The following ADGRV1 variants were observed in gnomAD, a reference collection of about 807,000 sequenced individuals.
ADGRV1 encodes the protein adhesion G protein-coupled receptor V1.
ADGRV1 carries 359 observed loss-of-function variants against 596.2 expected under a neutral mutation model. The observed-to-expected ratio is 0.60, with a 90% CI of 0.55 to 0.66. ADGRV1 has a LOEUF of 0.66. Ranked by LOEUF, ADGRV1 falls within the 30% of genes least tolerant of loss-of-function variation. ADGRV1 has a pLI of 0.00. For missense variants in ADGRV1, 7,274 were observed against 7,575.6 expected (o/e 0.96, Z 1.48); for synonymous variants, 2,681 against 2,679.2 (o/e 1.00, Z -0.02).
chr5:91,035,866 T>TATATATATATATA (rs1562121946), intron 85 of ADGRV1, among the ~76,000 whole-genome samples: 3 of 126,234 alleles, frequency 2.4e-5, no homozygotes, highest in African/African-American at 5.9e-5. Context: ...ATATATTATA[T>TATATATATATATA]ATATATATAT....
chr5:91,050,568 AG>A (rs1786228419), intron 85 of ADGRV1, among the ~76,000 whole-genome samples: 1 of 152,194 alleles, frequency 6.6e-6, no homozygotes, highest in South Asian at 2.1e-4. Flanking sequence ...TTTTTAAAAA[AG>A]TCTTTCTAAT....
chr5:91,029,671 C>T (rs1041609286), intron 85 of ADGRV1, among the ~76,000 whole-genome samples: 8 of 152,052 alleles, frequency 5.3e-5, no homozygotes, highest in African/African-American at 1.4e-4. Flanking sequence ...TTTTTGTAAT[C>T]GGTTGTTTAT....
At chr5:90,715,907 A>G (rs925826013) in intron 42 of ADGRV1, among the ~76,000 whole-genome samples, 7 of 152,196 alleles carry the variant, frequency 4.6e-5, no homozygotes, top group Admixed American at 4.6e-4. Context: ...TCTTAATAGT[A>G]TTAGTTGTAA....
chr5:90,614,436 A>G (rs933239773), intron 1 of ADGRV1, among the ~76,000 whole-genome samples: 1 of 152,112 alleles, frequency 6.6e-6, no homozygotes, highest in African/African-American at 2.4e-5. Context: ...CAACTGTTTC[A>G]GTTTTGGCTG....
Position 90,681,454 on chromosome 5 carries a change from T to C in ADGRV1, c.5664T>C (p.Asn1888=). ...PEDGYSTVTL[N]VIRHHGTLSP... ...ATGGGTATAGCACTGTTACATTAAATGTGAGTACCTTTTCTTCCTTCATTC... is the reference window on the plus strand; with the variant it reads ...ATGGGTATAGCACTGTTACATTAAACGTGAGTACCTTTTCTTCCTTCATTC... Residue 1888 remains asparagine (N), a splice_region_variant and synonymous_variant, in exon 27 of 90, where the codon AAT becomes AAC. Transcript: ENST00000405460. 6.2e-7 allele frequency: 1 copy of C among 1,608,030 alleles called. No individual in the cohort carries two copies. The highest frequency in any genetic ancestry group is 1.1e-5 in the South Asian group (1 of 90,056).
intron 89 of ADGRV1, among the ~76,000 whole-genome samples, chr5:91,161,063 A>C (rs1562297387): frequency 1.3e-5 from 2 of 152,170 alleles, no homozygotes; most frequent in Non-Finnish European, 2.9e-5. Flanking sequence ...GCAGACACTG[A>C]AATCACTGGG....
At chr5:91,160,877 T>G (rs1479376490) in intron 89 of ADGRV1, among the ~76,000 whole-genome samples, 2 of 152,140 alleles carry the variant, frequency 1.3e-5, no homozygotes, top group Non-Finnish European at 2.9e-5. Context: ...AGGAGGATGA[T>G]GAGATGGGTC....
At chr5:90,798,567 C>T (rs1761000550) in intron 70 of ADGRV1, among the ~76,000 whole-genome samples, 2 of 152,194 alleles carry the variant, frequency 1.3e-5, no homozygotes, top group African/African-American at 2.4e-5. Flanking sequence ...TCCTCCTTGA[C>T]TCATTTCATG....
intron 85 of ADGRV1, among the ~76,000 whole-genome samples, chr5:91,027,148 C>CAT (rs1784083821): frequency 7.5e-6 from 1 of 133,574 alleles, no homozygotes; most frequent in Non-Finnish European, 1.6e-5. Flanking sequence ...TCTCAAAACA[C>CAT]ACACACACAC....
At chr5:90,672,307 C>T (rs1206377875) in intron 21 of ADGRV1, among the ~76,000 whole-genome samples, 1 of 152,162 alleles carries the variant, frequency 6.6e-6, no homozygotes, top group African/African-American at 2.4e-5. Flanking sequence ...GCAGTTAAGA[C>T]ATTATAATTC....
chr5:90,687,847 G>A (rs1006989539), intron 29 of ADGRV1, among the ~76,000 whole-genome samples: 24 of 152,074 alleles, frequency 1.6e-4, no homozygotes, highest in African/African-American at 3.9e-4. Flanking sequence ...TACAAGGGAC[G>A]TGAAGGACCT....
intron 15 of ADGRV1, among the ~76,000 whole-genome samples, chr5:90,645,431 A>T (rs528288407): frequency 6.6e-6 from 1 of 152,276 alleles, no homozygotes; most frequent in South Asian, 2.1e-4. Flanking sequence ...GGATGACGTG[A>T]AAAAGAAACA....
intron 87 of ADGRV1, among the ~76,000 whole-genome samples, chr5:91,120,484 G>A (rs918568140): frequency 1.3e-5 from 2 of 152,148 alleles, no homozygotes; most frequent in Non-Finnish European, 2.9e-5. Context: ...TCAGGAAAAA[G>A]AAATTTTTCC....
chr5:90,946,981 A>G (rs1776633549), intron 83 of ADGRV1, among the ~76,000 whole-genome samples: 1 of 152,180 alleles, frequency 6.6e-6, no homozygotes, highest in Admixed American at 6.5e-5. Flanking sequence ...TATATACCCA[A>G]AAATGGGATT....
At chr5:90,823,127 C>T (rs2150299392) in intron 75 of ADGRV1, among the ~76,000 whole-genome samples, 1 of 152,290 alleles carries the variant, frequency 6.6e-6, no homozygotes, top group South Asian at 2.1e-4. Context: ...TTATTTCCTT[C>T]TCGAAAAATA....
chr5:91,042,364 A>G (rs1489112153), intron 85 of ADGRV1, among the ~76,000 whole-genome samples: 3 of 152,222 alleles, frequency 2.0e-5, no homozygotes, highest in Admixed American at 6.5e-5. Context: ...ACTGTTTTAT[A>G]TCATTTACAG....
chr5:90,974,419 T>C (rs1471221209), intron 84 of ADGRV1, among the ~76,000 whole-genome samples: 1 of 152,182 alleles, frequency 6.6e-6, no homozygotes, highest in Admixed American at 6.5e-5. Context: ...AGAACAAAGC[T>C]AGAGGCATCA....
intron 85 of ADGRV1, among the ~76,000 whole-genome samples, chr5:91,020,084 T>TAG (rs1410789072): frequency 3.8e-5 from 5 of 130,596 alleles, no homozygotes; most frequent in Non-Finnish European, 5.0e-5. Flanking sequence ...GGCTTATAGT[T>TAG]ACGGCATATT....
intron 88 of ADGRV1, among the ~76,000 whole-genome samples, chr5:91,151,905 C>T (rs12109173): frequency 2.0e-5 from 3 of 152,222 alleles, no homozygotes; most frequent in Admixed American, 6.5e-5. Context: ...ATCTTTTCCT[C>T]TCAAGTTCAT....
Sources: allele counts gnomAD v4.1 joint callset (sites outside exome capture counted in the v4.1 genomes callset), GRCh38; gene constraint gnomAD v4.1.1; transcripts MANE v1.5; gene names NCBI Gene and HGNC (gene_info 2026-07-23, HGNC 2026-07-21).